The following SYNPO2 variants were observed in gnomAD, a reference collection of about 807,000 sequenced individuals.
The protein encoded by SYNPO2 is synaptopodin-2.
Under a neutral mutation model 85.0 loss-of-function variants are expected in SYNPO2, and 56 were observed. The ratio of observed to expected loss-of-function variants is 0.66; its 90% CI spans 0.53 to 0.82. The LOEUF is 0.82. Ranked by LOEUF, SYNPO2 falls within the 40% of genes least tolerant of loss-of-function variation. The pLI is 0.00. For synonymous variants in SYNPO2, 602 were observed against 591.1 expected, an observed-to-expected ratio of 1.02 and a Z score of -0.27; for missense variants, 1,575 against 1,534.2, an observed-to-expected ratio of 1.03 and a Z score of -0.44.
intron 1 of SYNPO2, among the ~76,000 whole-genome samples, chr4:118,926,929 A>G (rs551156334): frequency 6.1e-4 from 93 of 152,174 alleles, no homozygotes; most frequent in African/African-American, 2.2e-3. Flanking sequence ...TCTATGCGGG[A>G]TGCCACTTGG....
intron 1 of SYNPO2, among the ~76,000 whole-genome samples, chr4:119,022,179 C>G (rs193117560): frequency 1.1e-4 from 16 of 152,242 alleles, no homozygotes; most frequent in Middle Eastern, 3.4e-3. Context: ...AGCTATACAG[C>G]TCTCTCCTCA....
At chr4:118,900,369 A>G (rs1333718452) in intron 1 of SYNPO2, among the ~76,000 whole-genome samples, 1 of 152,172 alleles carries the variant, frequency 6.6e-6, no homozygotes, top group African/African-American at 2.4e-5. Flanking sequence ...TCTGTTAAAT[A>G]AAACTGAAAT....
At chr4:119,048,538 G>C (rs113739756) in intron 4 of SYNPO2, among the ~76,000 whole-genome samples, 1 of 152,296 alleles carries the variant, frequency 6.6e-6, no homozygotes, top group African/African-American at 2.4e-5. Context: ...AAGTCTAAGG[G>C]AAGGATTAAA....
At chr4:118,946,072 A>G (rs1734493431) in intron 1 of SYNPO2, among the ~76,000 whole-genome samples, 1 of 152,202 alleles carries the variant, frequency 6.6e-6, no homozygotes, top group Admixed American at 6.5e-5. Flanking sequence ...ACTATTAGGA[A>G]AATACCTGGA....
At chr4:119,047,154 G>T (rs915199170) in intron 4 of SYNPO2, among the ~76,000 whole-genome samples, 2 of 152,134 alleles carry the variant, frequency 1.3e-5, no homozygotes, top group East Asian at 3.9e-4. Flanking sequence ...TCTGCCTCCC[G>T]GGTTCCAGCG....
At chr4:118,936,896 G>A (rs908240470) in intron 1 of SYNPO2, among the ~76,000 whole-genome samples, 12 of 152,048 alleles carry the variant, frequency 7.9e-5, no homozygotes, top group African/African-American at 1.4e-4. Context: ...TGTCTGGAGC[G>A]CCTCTCTCTT....
At chr4:118,948,032 T>A (rs1222291437) in intron 1 of SYNPO2, among the ~76,000 whole-genome samples, 2 of 152,178 alleles carry the variant, frequency 1.3e-5, no homozygotes, top group African/African-American at 2.4e-5. Flanking sequence ...CTTTTTTGGT[T>A]AGTTAATTTG....
chr4:118,876,172 C>G (rs751105442), intron 1 of SYNPO2, among the ~76,000 whole-genome samples: 4 of 152,186 alleles, frequency 2.6e-5, no homozygotes, highest in Non-Finnish European at 5.9e-5. Flanking sequence ...TCAGCTTCGT[C>G]AACGTTGTAT....
Position 119,030,902 on chromosome 4 carries a change from A to G in SYNPO2, c.2127A>G (p.Glu709=), listed in dbSNP as rs780318709. 1 of 1,613,956 alleles carries G rather than the reference A, an allele frequency of 6.2e-7. No homozygotes were observed. The highest frequency in any genetic ancestry group is 8.5e-7 in the Non-Finnish European group (1 of 1,179,982). Residue 709 remains glutamate, a synonymous_variant, in exon 4 of 5, where the codon GAA becomes GAG. Transcript: ENST00000307142. ...FKEPKVSPNP[E]LLSLLQNSEG... ...AGCCCAAAGTAAGCCCAAATCCTGA[A>G]CTCTTGTCACTCCTTCAAAATTCAG...
intron 1 of SYNPO2, among the ~76,000 whole-genome samples, chr4:118,863,786 G>T (rs991040797): frequency 1.7e-4 from 26 of 151,888 alleles, no homozygotes; most frequent in Non-Finnish European, 3.5e-4. Context: ...TAATTTTTGC[G>T]TTTTTAATAG....
intron 1 of SYNPO2, among the ~76,000 whole-genome samples, chr4:118,855,801 A>G (rs927026244): frequency 6.6e-6 from 1 of 152,198 alleles, no homozygotes; most frequent in East Asian, 1.9e-4. Flanking sequence ...TTATTTCTTT[A>G]GAGATATAAC....
chr4:118,869,692 A>T (rs1384269222), intron 1 of SYNPO2, among the ~76,000 whole-genome samples: 1 of 152,206 alleles, frequency 6.6e-6, no homozygotes, highest in Non-Finnish European at 1.5e-5. Context: ...AAGCCTGGAT[A>T]TACAATACAG....
At chr4:119,020,180 T>C (rs1333673193) in intron 1 of SYNPO2, among the ~76,000 whole-genome samples, 2 of 152,150 alleles carry the variant, frequency 1.3e-5, no homozygotes, top group African/African-American at 2.4e-5. Flanking sequence ...AGAGTAGTCC[T>C]TCAGAAAAAC....
At chr4:118,977,896 C>G (rs1420828530) in intron 1 of SYNPO2, among the ~76,000 whole-genome samples, 2 of 152,206 alleles carry the variant, frequency 1.3e-5, no homozygotes, top group Non-Finnish European at 2.9e-5. Flanking sequence ...AAAGACATAA[C>G]TTCCACTCAG....
intron 1 of SYNPO2, among the ~76,000 whole-genome samples, chr4:119,002,317 A>C (rs1277222903): frequency 6.6e-6 from 1 of 151,890 alleles, no homozygotes; most frequent in Non-Finnish European, 1.5e-5. Context: ...CTGGAGTGCA[A>C]CGGCGTGATC....
intron 1 of SYNPO2, among the ~76,000 whole-genome samples, chr4:118,923,575 G>A (rs1349935467): frequency 6.6e-6 from 1 of 152,068 alleles, no homozygotes; most frequent in African/African-American, 2.4e-5. Flanking sequence ...GAAAATTGGT[G>A]TTTCTGCCAT....
intron 4 of SYNPO2, chr4:119,037,240 T>G: frequency 1.3e-6 from 2 of 1,499,000 alleles, no homozygotes; most frequent in East Asian, 2.5e-5. Context: ...AAAGAAATCC[T>G]GCTTTCACAT....
chr4:118,904,178 T>G (rs894990670), intron 1 of SYNPO2, among the ~76,000 whole-genome samples: 6 of 152,166 alleles, frequency 3.9e-5, no homozygotes, highest in Non-Finnish European at 8.8e-5. Context: ...TTCCAAGGAG[T>G]GTTTTCAGGT....
chr4:118,965,250 C>T (rs1410926631), intron 1 of SYNPO2, among the ~76,000 whole-genome samples: 9 of 152,064 alleles, frequency 5.9e-5, no homozygotes, highest in Non-Finnish European at 1.3e-4. Context: ...TGACAGAGGG[C>T]ACATTCCTGT....
Sources: gnomAD v4.1 joint callset for allele counts (sites outside exome capture counted in the v4.1 genomes callset) on GRCh38, gnomAD v4.1.1 for gene constraint, MANE v1.5 for transcripts, NCBI Gene and HGNC (gene_info 2026-07-23, HGNC 2026-07-21) for gene names.